Variants in ENTPD3 observed in about 807,000 individuals in gnomAD.
ENTPD3 encodes CD39 antigen-like 3.
ENTPD3 carries 60 observed loss-of-function variants against 51.2 expected under a neutral mutation model. That is an observed-to-expected ratio of 1.17 (90% confidence interval 0.95 to 1.45). ENTPD3 has a LOEUF of 1.45. Ranked by LOEUF, ENTPD3 falls within the 40% of genes most tolerant of loss-of-function variation. ENTPD3 has a pLI of 0.00. For synonymous variants in ENTPD3, 221 were observed against 238.4 expected (o/e 0.93, Z 0.67); for missense variants, 593 against 641.1 (o/e 0.93, Z 0.81).
At chr3:40,390,715 T>C (rs1024388436) in intron 2 of ENTPD3, among the ~76,000 whole-genome samples, 1 of 152,326 alleles carries the variant, frequency 6.6e-6, no homozygotes, top group Middle Eastern at 3.4e-3. Context: ...TTTGCTTTCA[T>C]TTTCAAGTTT....
At chr3:40,402,917 C>T (rs1955401336) in intron 4 of ENTPD3, among the ~76,000 whole-genome samples, 1 of 152,084 alleles carries the variant, frequency 6.6e-6, no homozygotes, top group Admixed American at 6.5e-5. Context: ...TTTTTCAAAG[C>T]CACTTATCTT....
intron 7 of ENTPD3, among the ~76,000 whole-genome samples, chr3:40,421,409 G>A (rs1018219699): frequency 1.1e-4 from 17 of 152,136 alleles, no homozygotes; most frequent in African/African-American, 3.9e-4. Context: ...TTAGAAAAGA[G>A]AGTTCATAAA....
rs544397143 is a variant in ENTPD3, at chr3:40,422,819, C to T, written c.832-31C>T. On this transcript the variant is annotated intron_variant, in intron 7 of 10. Coordinates refer to ENST00000301825, the MANE Select transcript of ENTPD3 (RefSeq NM_001248.4). ...TGTGAATAGTGCCGCAATAAACATACGTGTCTAACACCTTACTCTTATACC... is the reference window on the plus strand; with the variant it reads ...TGTGAATAGTGCCGCAATAAACATATGTGTCTAACACCTTACTCTTATACC... 2.3e-5 allele frequency: 37 copies of T among 1,577,444 alleles called. No homozygotes were observed. In the East Asian group the frequency reaches 5.2e-4, roughly 22 times the overall value.
chr3:40,391,935 T>C, intron 2 of ENTPD3, 88 bp from the exon 3 acceptor site: 1 of 1,508,268 alleles, frequency 6.6e-7, no homozygotes, highest in Non-Finnish European at 9.2e-7. Flanking sequence ...TGCACCTGAT[T>C]ATGGGGCCAG....
intron 2 of ENTPD3, among the ~76,000 whole-genome samples, chr3:40,388,585 G>GAGACAC (rs1483518569): frequency 1.9e-4 from 24 of 126,282 alleles, no homozygotes; most frequent in East Asian, 1.5e-3. Context: ...CACACACACA[G>GAGACAC]ACACACACAC....
chr3:40,397,495 G>GTATGATATGATATGA (rs142781279), intron 3 of ENTPD3, among the ~76,000 whole-genome samples: 5 of 151,790 alleles, frequency 3.3e-5, no homozygotes, highest in African/African-American at 1.2e-4. Context: ...GTGTCGAATG[G>GTATGATATGATATGA]TATGATATGA....
At chr3:40,393,402 C>T (rs1443930059) in intron 3 of ENTPD3, among the ~76,000 whole-genome samples, 1 of 152,130 alleles carries the variant, frequency 6.6e-6, no homozygotes, top group Non-Finnish European at 1.5e-5. Flanking sequence ...CACTTGACCT[C>T]ACAAGTCTTT....
At chr3:40,405,871 C>T (rs6599100) in intron 4 of ENTPD3, among the ~76,000 whole-genome samples, 66,114 of 151,978 alleles carry the variant, frequency 0.44, 16,003 homozygotes, top group African/African-American at 0.64. Context: ...CTCCTTACTA[C>T]AGAGATGTAT....
At chr3:40,405,176 G>A (rs894534649) in intron 4 of ENTPD3, among the ~76,000 whole-genome samples, 1 of 152,118 alleles carries the variant, frequency 6.6e-6, no homozygotes, top group Non-Finnish European at 1.5e-5. Flanking sequence ...CCCTCAAAGA[G>A]TTGCATCAGA....
chr3:40,416,844 T>C (rs191640224), intron 7 of ENTPD3, among the ~76,000 whole-genome samples: 1 of 152,244 alleles, frequency 6.6e-6, no homozygotes, highest in East Asian at 1.9e-4. Context: ...TGGCTTCTTA[T>C]GGGACTCAAA....
chr3:40,426,670 A>T (rs1464550352), intron 10 of ENTPD3, among the ~76,000 whole-genome samples: 1 of 152,138 alleles, frequency 6.6e-6, no homozygotes, highest in African/African-American at 2.4e-5. Context: ...ATCAAACACT[A>T]CCCAAAAGAA....
intron 1 of ENTPD3, 157 bp from the exon 2 acceptor site, chr3:40,387,889 G>C (rs1391703482): frequency 3.4e-6 from 2 of 584,742 alleles, no homozygotes; most frequent in Non-Finnish European, 6.2e-6. Flanking sequence ...CAGCTTTGGG[G>C]CTGTCTCTGA....
In ENTPD3 at chr3:40,388,030, A is replaced by G; in HGVS notation, c.-12-16A>G. ...GGCGGTGGACTTACTGACATCCTGT[A>G]TTCTCTCACCTGCAGCTAGGAGAAA... On this transcript the variant is annotated splice_polypyrimidine_tract_variant and intron_variant, in intron 1 of 10. Coordinates refer to ENST00000301825, the MANE Select transcript of ENTPD3 (RefSeq NM_001248.4). The G allele has an allele frequency of 6.2e-7, 1 of 1,611,966 alleles. No homozygotes were observed. The highest frequency in any genetic ancestry group is 8.5e-7 in the Non-Finnish European group (1 of 1,178,090).
At chr3:40,387,483 A>G (rs1221180427) in intron 1 of ENTPD3, 2 of 152,506 alleles carry the variant, frequency 1.3e-5, no homozygotes, top group Admixed American at 1.3e-4. Flanking sequence ...ATGGATCCGC[A>G]GATGTGCTGG....
At chr3:40,402,123 C>CTTTTTTTTTTTTTTTTTTTTTTTT (rs58000344) in intron 4 of ENTPD3, among the ~76,000 whole-genome samples, 48 of 95,072 alleles carry the variant, frequency 5.0e-4, no homozygotes, top group East Asian at 7.3e-4. Context: ...TTTTTTTTTT[C>CTTTTTTTTTTTTTTTTTTTTTTTT]TTTTTTTTTT....
rs1164566446 is a variant in ENTPD3, at chr3:40,427,762, C to T, written c.*254C>T. ...TGGGGAACAGAGAAGAGACAGGCCA[C>T]GAAGGTCAGGCTCTTTATATTAAGT... On this transcript the variant is annotated 3_prime_UTR_variant, in exon 11 of 11. Transcript: ENST00000301825. The T allele has an allele frequency of 5.8e-6, 3 of 521,376 alleles. No individual in the cohort carries two copies. Among genetic ancestry groups the T allele is most frequent in the Non-Finnish European group, 1.0e-5 (3 of 288,364 alleles). The allele number at this position is 521,376 out of a possible 1,614,324, so 32.3% of individuals were successfully genotyped here.
intron 7 of ENTPD3, among the ~76,000 whole-genome samples, chr3:40,422,068 T>C (rs1392931922): frequency 6.6e-6 from 1 of 152,114 alleles, no homozygotes; most frequent in Non-Finnish European, 1.5e-5. Context: ...TTCATAGGGC[T>C]ATCATAAGAG....
chr3:40,388,040 C>A lies in ENTPD3; in HGVS notation c.-12-6C>A. The A allele has an allele frequency of 9.3e-6, 15 of 1,613,588 alleles. No homozygotes were observed. Among genetic ancestry groups the A allele is most frequent in the Non-Finnish European group, 1.2e-5 (14 of 1,179,540 alleles). On this transcript the variant is annotated splice_region_variant and splice_polypyrimidine_tract_variant and intron_variant, in intron 1 of 10. Transcript: ENST00000301825. ...TTACTGACATCCTGTATTCTCTCAC[C>A]TGCAGCTAGGAGAAAAGATGTTCAC...
At chr3:40,423,739 A>T (rs1000035189) in intron 9 of ENTPD3, 87 bp from the exon 10 acceptor site, 21 of 1,457,772 alleles carry the variant, frequency 1.4e-5, no homozygotes, top group Non-Finnish European at 1.9e-5. Flanking sequence ...GGGTGATAAG[A>T]TTCTTTAAAA....
Sources: gnomAD v4.1 joint callset for allele counts (sites outside exome capture counted in the v4.1 genomes callset) on GRCh38, gnomAD v4.1.1 for gene constraint, MANE v1.5 for transcripts, NCBI Gene and HGNC (gene_info 2026-07-23, HGNC 2026-07-21) for gene names.